The following ASTN2 variants were observed in gnomAD, a reference collection of about 807,000 sequenced individuals.
The protein encoded by ASTN2 is astrotactin 2.
ASTN2 carries 54 observed loss-of-function variants against 139.8 expected under a neutral mutation model. That is an observed-to-expected ratio of 0.39 (90% CI 0.31 to 0.48). The LOEUF (loss-of-function observed/expected upper bound fraction) is 0.48. Among genes scored for constraint, ASTN2 ranks in the 20% least tolerant of loss-of-function variants. The pLI, the probability that ASTN2 is intolerant of heterozygous loss-of-function variation, is 0.95. For missense variants in ASTN2, 1,565 were observed against 1,725.1 expected, an observed-to-expected ratio of 0.91 and a Z score of 1.64; for synonymous variants, 756 against 719.5, an observed-to-expected ratio of 1.05 and a Z score of -0.81.
At chr9:116,892,968 C>G (rs1259053152) in intron 10 of ASTN2, among the ~76,000 whole-genome samples, 1 of 152,152 alleles carries the variant, frequency 6.6e-6, no homozygotes, top group African/African-American at 2.4e-5. Context: ...TCTGGCAATT[C>G]TATCCCATGG....
Position 116,574,708 on chromosome 9 carries a change from C to T in ASTN2, c.3355+43616G>A, listed in dbSNP as rs183491041. ...TGGTAAAATGCTTGCCCGTTTCTACCGACTGTGTGTGGACCACCTCCCCCT... is the reference window on the plus strand; with the variant it reads ...TGGTAAAATGCTTGCCCGTTTCTACTGACTGTGTGTGGACCACCTCCCCCT... On this transcript the variant is annotated intron_variant, in intron 19 of 22. Coordinates refer to ENST00000313400, the MANE Select transcript of ASTN2 (RefSeq NM_001365068.1). Among the ~76,000 whole-genome samples the T allele has an allele frequency of 7.3e-3, 1,112 of 152,252 alleles. 49 individuals carry two copies. The highest frequency in any genetic ancestry group is 2.5e-3 in the Non-Finnish European group (173 of 68,028).
intron 19 of ASTN2, among the ~76,000 whole-genome samples, chr9:116,606,155 T>C (rs1451960189): frequency 6.6e-6 from 1 of 152,068 alleles, no homozygotes; most frequent in African/African-American, 2.4e-5. Flanking sequence ...CAGATTAGCG[T>C]GCGGGGCATT....
At chr9:117,144,671 T>TG in intron 3 of ASTN2, among the ~76,000 whole-genome samples, 1 of 20,894 alleles carries the variant, frequency 4.8e-5, no homozygotes, top group African/African-American at 8.8e-5. Flanking sequence ...TTTTTTTTTT[T>TG]TTTTTTTTTT....
chr9:117,267,630 A>C (rs1833965593), intron 2 of ASTN2, among the ~76,000 whole-genome samples: 1 of 152,188 alleles, frequency 6.6e-6, no homozygotes, highest in Non-Finnish European at 1.5e-5. Flanking sequence ...AAAAATGCAA[A>C]AACAAATAAA....
intron 10 of ASTN2, among the ~76,000 whole-genome samples, chr9:116,922,062 G>A (rs766078406): frequency 1.3e-5 from 2 of 152,144 alleles, no homozygotes; most frequent in Non-Finnish European, 2.9e-5. Context: ...CTCTCTCACA[G>A]AAGTTCCTCT....
intron 16 of ASTN2, among the ~76,000 whole-genome samples, chr9:116,659,114 T>C (rs532354330): frequency 7.9e-4 from 120 of 152,346 alleles, no homozygotes; most frequent in African/African-American, 2.8e-3. Context: ...AGACTATATT[T>C]TGACTATTCT....
intron 13 of ASTN2, among the ~76,000 whole-genome samples, chr9:116,751,685 T>A (rs938976076): frequency 7.2e-5 from 11 of 152,144 alleles, no homozygotes; most frequent in Non-Finnish European, 1.6e-4. Flanking sequence ...CAGATTTACA[T>A]ACAAAAGTCT....
At chr9:117,105,426 G>A (rs1829078696) in intron 4 of ASTN2, among the ~76,000 whole-genome samples, 1 of 152,082 alleles carries the variant, frequency 6.6e-6, no homozygotes, top group Non-Finnish European at 1.5e-5. Flanking sequence ...ATCCCAGGTG[G>A]CAAAAACATG....
At chr9:116,453,085 T>G (rs2118928793) in intron 20 of ASTN2, among the ~76,000 whole-genome samples, 1 of 152,134 alleles carries the variant, frequency 6.6e-6, no homozygotes, top group East Asian at 1.9e-4. Context: ...TCTACTCAGT[T>G]CTGAGCTGAG....
At chr9:116,832,753 T>C (rs1000030423) in intron 11 of ASTN2, among the ~76,000 whole-genome samples, 9 of 152,142 alleles carry the variant, frequency 5.9e-5, no homozygotes, top group Admixed American at 3.9e-4. Flanking sequence ...TGAATCCTAT[T>C]TGTTAATATT....
At chr9:117,194,312 C>T (rs1831431640) in intron 3 of ASTN2, among the ~76,000 whole-genome samples, 1 of 152,162 alleles carries the variant, frequency 6.6e-6, no homozygotes, top group African/African-American at 2.4e-5. Flanking sequence ...AGTTGTCATG[C>T]ACCTGTTCCC....
chr9:116,765,820 T>C (rs1467159169), intron 13 of ASTN2, among the ~76,000 whole-genome samples: 1 of 152,114 alleles, frequency 6.6e-6, no homozygotes, highest in Non-Finnish European at 1.5e-5. Flanking sequence ...GAGTGACACT[T>C]GGAAGGAAGT....
chr9:116,643,092 G>T (rs982091721), intron 17 of ASTN2, among the ~76,000 whole-genome samples: 1 of 152,170 alleles, frequency 6.6e-6, no homozygotes, highest in Non-Finnish European at 1.5e-5. Flanking sequence ...AATTTGTAAA[G>T]TAAGCATAAT....
At chr9:117,382,775 A>C (rs1240798844) in intron 1 of ASTN2, among the ~76,000 whole-genome samples, 1 of 152,190 alleles carries the variant, frequency 6.6e-6, no homozygotes, top group Non-Finnish European at 1.5e-5. Flanking sequence ...GTGGTGGGGA[A>C]AGTGAACCCT....
intron 10 of ASTN2, among the ~76,000 whole-genome samples, chr9:116,950,885 T>C (rs998997999): frequency 1.3e-5 from 2 of 152,228 alleles, no homozygotes; most frequent in Non-Finnish European, 2.9e-5. Context: ...TGGAATTTTA[T>C]ACAACATATG....
At chr9:117,141,217 GT>G in intron 4 of ASTN2, 108 bp downstream of exon 4, 1 of 1,173,022 alleles carries the variant, frequency 8.5e-7, no homozygotes, top group Non-Finnish European at 1.1e-6. Flanking sequence ...AGTGGCACAA[GT>G]TTTATGAGCA....
intron 7 of ASTN2, among the ~76,000 whole-genome samples, chr9:116,993,671 C>T (rs745736365): frequency 2.0e-4 from 29 of 146,746 alleles, no homozygotes; most frequent in South Asian, 2.1e-4. Context: ...TATATAGTAA[C>T]GAAATATATT....
intron 3 of ASTN2, among the ~76,000 whole-genome samples, chr9:117,196,336 T>C (rs1040237292): frequency 6.6e-6 from 1 of 152,148 alleles, no homozygotes; most frequent in Non-Finnish European, 1.5e-5. Context: ...AGCAACAGTA[T>C]CCTAGCCTAA....
At chr9:116,735,435 T>C (rs1468727028) in intron 13 of ASTN2, among the ~76,000 whole-genome samples, 3 of 152,192 alleles carry the variant, frequency 2.0e-5, no homozygotes, top group Non-Finnish European at 2.9e-5. Flanking sequence ...AGGTGGCCTC[T>C]GGTGATAGAT....
Sources: gnomAD v4.1 joint callset for allele counts (sites outside exome capture counted in the v4.1 genomes callset) on GRCh38, gnomAD v4.1.1 for gene constraint, MANE v1.5 for transcripts, NCBI Gene and HGNC (gene_info 2026-07-23, HGNC 2026-07-21) for gene names.